The following AKNA variants were observed in gnomAD, a reference collection of about 807,000 sequenced individuals.
AKNA encodes AT-hook transcription factor, also known as microtubule organization protein AKNA.
AKNA carries 67 observed loss-of-function variants against 138.8 expected under a neutral mutation model. The observed-to-expected ratio is 0.48, with a 90% CI of 0.40 to 0.59. The LOEUF (loss-of-function observed/expected upper bound fraction) is 0.59. Ranked by LOEUF, AKNA falls within the 20% of genes least tolerant of loss-of-function variation. The probability of loss-of-function intolerance (pLI) is 0.00; values close to 1 mark genes in which losing one functional copy is unlikely to be tolerated. For missense variants in AKNA, 1,813 were observed against 1,880.4 expected (o/e 0.96, Z 0.66); for synonymous variants, 737 against 754.4 (o/e 0.98, Z 0.38).
intron 15 of AKNA, among the ~76,000 whole-genome samples, chr9:114,349,159 C>T (rs79606971): frequency 0.02 from 2,991 of 152,252 alleles, 98 homozygotes; most frequent in African/African-American, 0.068. Flanking sequence ...TGGAGAGCTC[C>T]GCCTCCTAGT....
chr9:114,353,311 C>T (rs1831263007), intron 14 of AKNA, among the ~76,000 whole-genome samples: 1 of 151,318 alleles, frequency 6.6e-6, no homozygotes, highest in African/African-American at 2.4e-5. Context: ...TTCGCCCAGG[C>T]TGAAGTGAAG....
chr9:114,382,399 T>G (rs1018346373), intron 1 of AKNA, among the ~76,000 whole-genome samples: 1 of 152,044 alleles, frequency 6.6e-6, no homozygotes, highest in South Asian at 2.1e-4. Flanking sequence ...GAGACCAGCC[T>G]GGGCAACATG....
chr9:114,380,747 G>A (rs1188979605), intron 2 of AKNA, among the ~76,000 whole-genome samples: 3 of 151,286 alleles, frequency 2.0e-5, no homozygotes, highest in East Asian at 1.9e-4. Flanking sequence ...AGGCCGAGGC[G>A]GGCGGATCAC....
At position 114,358,052 on chromosome 9, in the gene AKNA, C is replaced by A; in HGVS notation, c.2608G>T (p.Val870Leu). Residue 870 changes from valine (V) to leucine (L), a missense_variant, in exon 12 of 22, where the codon GTG (valine) becomes TTG (leucine). Coordinates refer to ENST00000374088, the MANE Select transcript of AKNA (RefSeq NM_001317950.2). ...KAEAAPPGPG[V>L]PPHPPGTKSA... ...TTGGTGCCTGGAGGGTGGGGTGGCA[C>A]GCCAGGGCCTGGAGGGGCTGCCTCA... 1 of 1,611,980 alleles carries A rather than the reference C, an allele frequency of 6.2e-7. No individual in the cohort carries two copies. Among genetic ancestry groups the A allele is most frequent in the Non-Finnish European group, 8.5e-7 (1 of 1,178,704 alleles).
chr9:114,332,482 C>T (rs548828855), downstream of AKNA, among the ~76,000 whole-genome samples: 2 of 152,250 alleles, frequency 1.3e-5, no homozygotes, highest in South Asian at 2.1e-4. Flanking sequence ...CCTGTGAAAT[C>T]ACAGCACCGA....
chr9:114,361,880 T>C lies in AKNA; in HGVS notation c.1948A>G (p.Ser650Gly). The stretch of plus-strand genomic sequence containing the variant: ...TGTTCCTTCAGCTCTTCCAGGCAGC[T>C]TCCCAGACGGTATATCTCTGCCTCC... ...ELEAEIYRLG[S>G]CLEELKEHID... The change falls in exon 9 of 22, where the codon AGC becomes GGC. Residue 650 changes from serine to glycine, a missense_variant. Transcript: ENST00000374088. 1.2e-6 allele frequency: 2 copies of C among 1,605,948 alleles called. No homozygotes were observed. The highest frequency in any genetic ancestry group is 1.7e-6 in the Non-Finnish European group (2 of 1,179,980).
rs1831780176 is a variant in AKNA at position 114,359,654 on chromosome 9, G to C, written c.2432C>G (p.Thr811Ser). The C allele has an allele frequency of 1.2e-5, 19 of 1,613,942 alleles. No homozygotes were observed. The highest frequency in any genetic ancestry group is 1.4e-5 in the Non-Finnish European group (17 of 1,179,954). ...CGGGCACTGCCTTGGGAGGACCCTG[G>C]TGGCCTCTGCTTTCCCTGGAGTTGC... ...VAATPGKAEA[T>S]RVLPRQCPVQ... is the part of the protein sequence containing the mutation. Residue 811 changes from threonine to serine, a missense_variant, in exon 11 of 22, where the codon ACC (threonine) becomes AGC (serine). Physicochemically the swap from Thr to Ser is moderately conservative, Grantham distance 58 (BLOSUM62 1). Coordinates refer to ENST00000374088, the MANE Select transcript of AKNA (RefSeq NM_001317950.2).
intron 17 of AKNA, 124 bp from the exon 18 acceptor site, chr9:114,346,133 C>G: frequency 1.0e-6 from 1 of 965,046 alleles, no homozygotes. Flanking sequence ...CAGTCTCCCC[C>G]TTAGGAGTAA....
chr9:114,392,696 C>A (rs1412491870), upstream of AKNA, among the ~76,000 whole-genome samples: 4 of 152,236 alleles, frequency 2.6e-5, no homozygotes, highest in Admixed American at 6.5e-5. Flanking sequence ...TTTTCCTCAT[C>A]CACAGCTTCC....
chr9:114,383,304 T>C, intron 1 of AKNA: 2 of 439,702 alleles, frequency 4.5e-6, no homozygotes, highest in Non-Finnish European at 4.6e-6. Flanking sequence ...CTCCCTCTCA[T>C]CTCCTTTTGC....
chr9:114,359,642 G>T lies in AKNA; in HGVS notation c.2444C>A (p.Pro815Gln). ...CTCAGCCTGCACCGGGCACTGCCTT[G>T]GGAGGACCCTGGTGGCCTCTGCTTT... ...PGKAEATRVL[P>Q]RQCPVQAEKS... The change falls in exon 11 of 22, where the codon CCA becomes CAA. Residue 815 changes from proline (P) to glutamine (Q), a missense_variant. By Grantham distance (76) the Pro-to-Gln change is moderately conservative. Coordinates refer to ENST00000374088, the MANE Select transcript of AKNA (RefSeq NM_001317950.2). 2 of 1,612,740 alleles carry T rather than the reference G, an allele frequency of 1.2e-6. No individual in the cohort carries two copies. Among genetic ancestry groups the T allele is most frequent in the South Asian group, 2.2e-5 (2 of 91,066 alleles).
chr9:114,337,012 T>TTGGGGGGGGGGGGG lies in AKNA; in HGVS notation c.*41_*42insCCCCCCCCCCCCCA. The stretch of plus-strand genomic sequence containing the variant: ...CCCACTCCTGGCCTGGCAGGCCACC[T>TTGGGGGGGGGGGGG]GCCCACCCACCCACCCATCTGCCTC... On this transcript the variant is annotated 3_prime_UTR_variant, in exon 22 of 22. Coordinates refer to ENST00000374088, the MANE Select transcript of AKNA (RefSeq NM_001317950.2). 426 of 1,208,020 alleles carry TTGGGGGGGGGGGGG rather than the reference T, an allele frequency of 3.5e-4. No individual in the cohort carries two copies. The highest frequency in any genetic ancestry group is 4.1e-4 in the Non-Finnish European group (377 of 929,178). The allele number at this position is 1,208,020 out of a possible 1,614,324, so 74.8% of individuals were successfully genotyped here.
chr9:114,364,152 C>T (rs1832165885), intron 7 of AKNA, among the ~76,000 whole-genome samples: 1 of 151,832 alleles, frequency 6.6e-6, no homozygotes, highest in East Asian at 2.0e-4. Flanking sequence ...TAGTGCAGGG[C>T]AGTGATTATG....
chr9:114,385,942 T>A (rs144727342), intron 1 of AKNA, among the ~76,000 whole-genome samples: 34 of 152,274 alleles, frequency 2.2e-4, no homozygotes, highest in African/African-American at 6.7e-4. Flanking sequence ...GGGCTTGCAT[T>A]TTCCTCACTG....
intron 4 of AKNA, among the ~76,000 whole-genome samples, chr9:114,369,718 A>G (rs1411763690): frequency 6.6e-6 from 1 of 151,976 alleles, no homozygotes; most frequent in Non-Finnish European, 1.5e-5. Context: ...CATCATCACC[A>G]CCACTGTCAT....
intron 21 of AKNA, among the ~76,000 whole-genome samples, chr9:114,337,941 T>C (rs1830106848): frequency 6.6e-6 from 1 of 152,136 alleles, no homozygotes; most frequent in Non-Finnish European, 1.5e-5. Context: ...GACAAGCCCA[T>C]TGAGATGAAG....
At chr9:114,360,202 G>T (rs1324810495) in intron 9 of AKNA, 140 bp from the exon 10 acceptor site, 4 of 993,322 alleles carry the variant, frequency 4.0e-6, no homozygotes, top group African/African-American at 1.6e-5. Context: ...ACCCTTTTAT[G>T]TATGTGTAAA....
At chr9:114,360,323 C>T (rs1414170971) in intron 9 of AKNA, among the ~76,000 whole-genome samples, 1 of 152,122 alleles carries the variant, frequency 6.6e-6, no homozygotes, top group African/African-American at 2.4e-5. Flanking sequence ...CCAGTACCTA[C>T]GATTATTACA....
intron 2 of AKNA, among the ~76,000 whole-genome samples, chr9:114,380,390 C>T (rs1476710162): frequency 6.6e-6 from 1 of 152,062 alleles, no homozygotes; most frequent in Non-Finnish European, 1.5e-5. Context: ...TGATGAACTA[C>T]GAAAATGTTC....
Sources: allele counts gnomAD v4.1 joint callset (sites outside exome capture counted in the v4.1 genomes callset), GRCh38; gene constraint gnomAD v4.1.1; transcripts MANE v1.5; gene names NCBI Gene and HGNC (gene_info 2026-07-23, HGNC 2026-07-21).